ZNF148: variants seen among roughly 807,000 people sequenced by gnomAD.
ZNF148 encodes Beta-Enolase Repressor Factor-1.
In ZNF148, 7 loss-of-function variants were observed where a neutral mutation model predicts 67.7. The ratio of observed to expected loss-of-function variants is 0.10; its 90% CI spans 0.06 to 0.19. The LOEUF (loss-of-function observed/expected upper bound fraction) is 0.19. Among genes scored for constraint, ZNF148 ranks in the 10% least tolerant of loss-of-function variants. ZNF148 has a pLI of 1.00. For synonymous variants in ZNF148, 333 were observed against 330.7 expected, an observed-to-expected ratio of 1.01 and a Z score of -0.08; for missense variants, 583 against 947.1, an observed-to-expected ratio of 0.62 and a Z score of 5.05.
chr3:125,249,039 A>T (rs555586232), intron 7 of ZNF148, among the ~76,000 whole-genome samples: 1 of 152,360 alleles, frequency 6.6e-6, no homozygotes, highest in South Asian at 2.1e-4. Context: ...CTCAAAAAGG[A>T]TTAAAGACTT....
chr3:125,357,435 G>C (rs1269153056), intron 1 of ZNF148, among the ~76,000 whole-genome samples: 1 of 152,220 alleles, frequency 6.6e-6, no homozygotes, highest in Non-Finnish European at 1.5e-5. Context: ...TGCGGGGTTC[G>C]CCAGACGGTG....
At chr3:125,272,341 T>C (rs1314024950) in intron 7 of ZNF148, among the ~76,000 whole-genome samples, 1 of 152,226 alleles carries the variant, frequency 6.6e-6, no homozygotes, top group Non-Finnish European at 1.5e-5. Context: ...CTCAATTTGT[T>C]AAAGACTTGT....
At chr3:125,275,552 T>A (rs1035798194) in intron 7 of ZNF148, among the ~76,000 whole-genome samples, 1 of 152,244 alleles carries the variant, frequency 6.6e-6, no homozygotes, top group Non-Finnish European at 1.5e-5. Context: ...CCTTAACTTA[T>A]GTGCACTTCT....
At chr3:125,291,125 C>T (rs1938987604) in intron 4 of ZNF148, among the ~76,000 whole-genome samples, 1 of 152,132 alleles carries the variant, frequency 6.6e-6, no homozygotes, top group Non-Finnish European at 1.5e-5. Flanking sequence ...AACAAGATGA[C>T]TGACTCCTTG....
chr3:125,270,234 C>T (rs956993940), intron 7 of ZNF148, among the ~76,000 whole-genome samples: 5 of 151,934 alleles, frequency 3.3e-5, no homozygotes, highest in African/African-American at 1.2e-4. Context: ...AAGCTAGGCA[C>T]AGTGGCTCAG....
Position 125,230,006 on chromosome 3 carries a change from T to A in ZNF148, c.*2335A>T, listed in dbSNP as rs1935787631. ...TAGAAAAGTCTGCCATTATGTAGATTTAAAGAAATGTGTTGAAAACAGGAA... is the reference window on the plus strand; with the variant it reads ...TAGAAAAGTCTGCCATTATGTAGATATAAAGAAATGTGTTGAAAACAGGAA... On this transcript the variant is annotated 3_prime_UTR_variant, in exon 9 of 9. Coordinates refer to ENST00000360647, the MANE Select transcript of ZNF148 (RefSeq NM_021964.3). 1 of 152,524 alleles carries A rather than the reference T, an allele frequency of 6.6e-6. No homozygotes were observed. The highest frequency in any genetic ancestry group is 2.4e-5 in the African/African-American group (1 of 41,414). The allele number at this position is 152,524 out of a possible 1,614,324, so 9.4% of individuals were successfully genotyped here.
At chr3:125,294,492 T>C (rs1449330822) in intron 4 of ZNF148, among the ~76,000 whole-genome samples, 1 of 152,222 alleles carries the variant, frequency 6.6e-6, no homozygotes, top group East Asian at 1.9e-4. Context: ...TATAAAATTA[T>C]TTCAAAATGA....
intron 1 of ZNF148, among the ~76,000 whole-genome samples, chr3:125,341,690 G>A (rs1441735158): frequency 6.6e-6 from 1 of 151,734 alleles, no homozygotes; most frequent in Admixed American, 6.6e-5. Flanking sequence ...TTTTAAGGTG[G>A]GCTCAATAAA....
intron 1 of ZNF148, among the ~76,000 whole-genome samples, chr3:125,368,337 C>T (rs1462435235): frequency 1.3e-5 from 2 of 152,192 alleles, no homozygotes; most frequent in African/African-American, 2.4e-5. Flanking sequence ...CATTTATTCA[C>T]TCCATCCATC....
chr3:125,261,010 T>C (rs1483020159), intron 7 of ZNF148, among the ~76,000 whole-genome samples: 1 of 152,190 alleles, frequency 6.6e-6, no homozygotes, highest in African/African-American at 2.4e-5. Flanking sequence ...CAGTGATTGA[T>C]ACAGGGTGGG....
intron 1 of ZNF148, among the ~76,000 whole-genome samples, chr3:125,345,246 G>GA (rs1271907624): frequency 9.2e-5 from 14 of 152,016 alleles, no homozygotes; most frequent in African/African-American, 3.1e-4. Context: ...AAGACAACAG[G>GA]AAAATCTCTA....
chr3:125,349,850 A>G (rs1311381492), intron 1 of ZNF148, among the ~76,000 whole-genome samples: 1 of 152,200 alleles, frequency 6.6e-6, no homozygotes, highest in Non-Finnish European at 1.5e-5. Context: ...CAAAAAACAA[A>G]CAGACTTAAA....
chr3:125,351,249 G>A (rs537731359), intron 1 of ZNF148, among the ~76,000 whole-genome samples: 1 of 152,148 alleles, frequency 6.6e-6, no homozygotes, highest in East Asian at 1.9e-4. Flanking sequence ...AGGCGTGGTG[G>A]CAGGTGCCTG....
At chr3:125,279,568 C>A (rs1436929517) in intron 5 of ZNF148, among the ~76,000 whole-genome samples, 1 of 151,992 alleles carries the variant, frequency 6.6e-6, no homozygotes, top group Non-Finnish European at 1.5e-5. Flanking sequence ...GGTATATTTT[C>A]AATTTCAAAT....
intron 2 of ZNF148, among the ~76,000 whole-genome samples, chr3:125,326,069 A>G (rs957433878): frequency 6.6e-6 from 1 of 152,210 alleles, no homozygotes; most frequent in Non-Finnish European, 1.5e-5. Flanking sequence ...ATCCTTCAAA[A>G]ATGAAAAAAT....
At chr3:125,270,287 A>G (rs1169473334) in intron 7 of ZNF148, among the ~76,000 whole-genome samples, 1 of 151,744 alleles carries the variant, frequency 6.6e-6, no homozygotes, top group East Asian at 1.9e-4. Context: ...TCGGAGGATC[A>G]CTTGAGCCCA....
intron 7 of ZNF148, among the ~76,000 whole-genome samples, chr3:125,244,646 C>T (rs1029595226): frequency 2.0e-5 from 3 of 152,054 alleles, no homozygotes; most frequent in Non-Finnish European, 2.9e-5. Context: ...TACAGGCATG[C>T]ACCACCATGC....
At chr3:125,351,253 G>A (rs1452673649) in intron 1 of ZNF148, among the ~76,000 whole-genome samples, 2 of 152,078 alleles carry the variant, frequency 1.3e-5, no homozygotes. Flanking sequence ...GTGGTGGCAG[G>A]TGCCTGTAGT....
At chr3:125,253,164 T>C (rs955256949) in intron 7 of ZNF148, among the ~76,000 whole-genome samples, 1 of 152,166 alleles carries the variant, frequency 6.6e-6, no homozygotes, top group African/African-American at 2.4e-5. Context: ...TTCCATTAAG[T>C]TTTTTCATAT....
Sources: allele counts gnomAD v4.1 joint callset (sites outside exome capture counted in the v4.1 genomes callset), GRCh38; gene constraint gnomAD v4.1.1; transcripts MANE v1.5; gene names NCBI Gene and HGNC (gene_info 2026-07-23, HGNC 2026-07-21).